The following ODC1 variants were observed in gnomAD, a reference collection of about 807,000 sequenced individuals.
ODC1 encodes ornithine decarboxylase.
Under a neutral mutation model 41.5 loss-of-function variants are expected in ODC1, and 18 were observed. The ratio of observed to expected loss-of-function variants is 0.43; its 90% confidence interval spans 0.30 to 0.64. The LOEUF (loss-of-function observed/expected upper bound fraction) is 0.64, where lower values mean the gene tolerates loss of function less well. Ranked by LOEUF, ODC1 falls within the 30% of genes least tolerant of loss-of-function variation. The pLI is 0.11. For synonymous variants in ODC1, 218 were observed against 211.6 expected, an observed-to-expected ratio of 1.03 and a Z score of -0.26; for missense variants, 504 against 589.0, an observed-to-expected ratio of 0.86 and a Z score of 1.49.
Position 10,443,690 on chromosome 2 carries a change from C to T in ODC1, c.584+12G>A. ...AATGTCTTGACCTCTAGCTATCCCA[C>T]CAAAATCTCACCTGACACCAACAAC... On this transcript the variant is annotated intron_variant, in intron 6 of 11. Coordinates refer to ENST00000234111, the MANE Select transcript of ODC1 (RefSeq NM_002539.3). The T allele has an allele frequency of 6.2e-7, 1 of 1,613,688 alleles. No homozygotes were observed. The highest frequency in any genetic ancestry group is 8.5e-7 in the Non-Finnish European group (1 of 1,179,606).
chr2:10,441,692 G>C lies in ODC1; in HGVS notation c.1058C>G (p.Ser353Cys), dbSNP rs1671825181. 3 of 1,614,202 alleles carry C rather than the reference G, an allele frequency of 1.9e-6. No individual in the cohort carries two copies. The highest frequency in any genetic ancestry group is 2.5e-6 in the Non-Finnish European group (3 of 1,180,046). Residue 353 changes from serine (S) to cysteine (C), a missense_variant, in exon 11 of 12, where the codon TCC becomes TGC. By Grantham distance (112) the Ser-to-Cys change is moderately radical. Around this residue, in one of 3 missense-constraint regions of ODC1, gnomAD observed 447 missense variants for 524.4 expected, o/e 0.85. Transcript: ENST00000234111. ...ATCACATGTTGGTCCCCATATGCTGGATGAATAATACTTCTCATCTGGTTT... is the reference window on the plus strand; with the variant it reads ...ATCACATGTTGGTCCCCATATGCTGCATGAATAATACTTCTCATCTGGTTT... ...RPKPDEKYYS[S>C]SIWGPTCDGL...
chr2:10,443,477 C>A lies in ODC1; in HGVS notation c.666+13G>T. On this transcript the variant is annotated intron_variant, in intron 7 of 11. Coordinates refer to ENST00000234111, the MANE Select transcript of ODC1 (RefSeq NM_002539.3). ...GTGTCCCGCCCTTCCCTAACAGGGT[C>A]ACGTATACTCACCCCCATGTCAAAA... The A allele has an allele frequency of 6.2e-7, 1 of 1,612,018 alleles. No individual in the cohort carries two copies. The highest frequency in any genetic ancestry group is 1.1e-5 in the South Asian group (1 of 91,024).
chr2:10,442,326 A>G (rs1215126227), intron 8 of ODC1, 152 bp from the exon 9 acceptor site: 5 of 761,964 alleles, frequency 6.6e-6, no homozygotes, highest in Admixed American at 3.4e-5. Context: ...AAAAACATCA[A>G]CATCTCCCTG....
intron 1 of ODC1, among the ~76,000 whole-genome samples, chr2:10,446,416 A>T (rs1672015546): frequency 6.6e-6 from 1 of 152,240 alleles, no homozygotes; most frequent in Non-Finnish European, 1.5e-5. Context: ...TTGGGATTAC[A>T]GGCGTGAGCC....
chr2:10,442,892 T>C (rs1372744239), intron 8 of ODC1, among the ~76,000 whole-genome samples: 2 of 151,824 alleles, frequency 1.3e-5, no homozygotes, highest in East Asian at 3.9e-4. Context: ...AAAATTTTTT[T>C]TGTAGAGATG....
In ODC1 at chr2:10,441,914, C is replaced by T. The variant is rs755510775; in HGVS notation, c.929G>A (p.Ser310Asn). ...QTGSDDEDES[S>N]EQTFMYYVND... Reference sequence around the variant, plus strand: ...CACATAATACATAAAGGTCTGCTCACTCGACTCATCTTCGTCTAGAAAGGC... The same window carrying T: ...CACATAATACATAAAGGTCTGCTCATTCGACTCATCTTCGTCTAGAAAGGC... Residue 310 changes from serine to asparagine, a missense_variant, in exon 10 of 12, where the codon AGT becomes AAT. Coordinates refer to ENST00000234111, the MANE Select transcript of ODC1 (RefSeq NM_002539.3). 3 of 1,614,098 alleles carry T rather than the reference C, an allele frequency of 1.9e-6. No homozygotes were observed. The highest frequency in any genetic ancestry group is 2.5e-6 in the Non-Finnish European group (3 of 1,179,982).
chr2:10,443,315 T>C lies in ODC1; in HGVS notation c.667-2A>G. The C allele has an allele frequency of 6.2e-7, 1 of 1,609,086 alleles. No individual in the cohort carries two copies. Among genetic ancestry groups the C allele is most frequent in the Non-Finnish European group, 8.5e-7 (1 of 1,178,168 alleles). On this transcript the variant is annotated splice_acceptor_variant, in intron 7 of 11. Coordinates refer to ENST00000234111, the MANE Select transcript of ODC1 (RefSeq NM_002539.3). LOFTEE classifies it high-confidence loss of function. ...ATACATGCTGAAACCAACCTCAGCC[T>C]AGAATCAAGAAAATAAGTCAGCCAG...
intron 1 of ODC1, among the ~76,000 whole-genome samples, chr2:10,446,532 C>G (rs1672020386): frequency 6.6e-6 from 1 of 152,222 alleles, no homozygotes; most frequent in Admixed American, 6.5e-5. Flanking sequence ...ATTTGCTTAG[C>G]TATGAGAATA....
At chr2:10,442,897 G>C (rs949358055) in intron 8 of ODC1, among the ~76,000 whole-genome samples, 4 of 151,854 alleles carry the variant, frequency 2.6e-5, no homozygotes, top group African/African-American at 9.7e-5. Flanking sequence ...TTTTTTTGTA[G>C]AGATGGGGTC....
rs200691250 is a variant in ODC1 at position 10,443,720 on chromosome 2, A to C, written c.566T>G (p.Ile189Ser). Residue 189 changes from isoleucine to serine, a missense_variant, in exon 6 of 12, where the codon ATC becomes AGC. By Grantham distance (142) the Ile-to-Ser change is moderately radical (BLOSUM62 -2). Transcript: ENST00000234111. ...ATCTCACCTGACACCAACAACATCG[A>C]TATTTAGCTCTTTCGCCCGTTCCAA... ...LLLERAKELN[I>S]DVVGVSFHVG... 1 of 1,614,036 alleles carries C rather than the reference A, an allele frequency of 6.2e-7. No individual in the cohort carries two copies. Among genetic ancestry groups the C allele is most frequent in the African/African-American group, 1.3e-5 (1 of 74,922 alleles).
intron 1 of ODC1, chr2:10,447,391 G>T (rs754165040): frequency 2.0e-5 from 3 of 152,210 alleles, no homozygotes; most frequent in Admixed American, 6.5e-5. Context: ...GTCCTCCCCA[G>T]ACATTCCTGA....
intron 6 of ODC1, 37 bp downstream of exon 6, chr2:10,443,665 A>G: frequency 1.2e-6 from 2 of 1,610,764 alleles, no homozygotes; most frequent in East Asian, 4.5e-5. Flanking sequence ...CAAACTGTTC[A>G]ATGTCTTGAC....
intron 10 of ODC1, 36 bp from the exon 11 acceptor site, chr2:10,441,759 AT>A: frequency 6.2e-7 from 1 of 1,612,228 alleles, no homozygotes; most frequent in Non-Finnish European, 8.5e-7. Flanking sequence ...GTACTACTTA[AT>A]TACACGTGTT....
Position 10,441,765 on chromosome 2 carries a change from C to T in ODC1, c.1027-42G>A, listed in dbSNP as rs28362409. The T allele has an allele frequency of 2.0e-3, 3,294 of 1,611,498 alleles. 6 individuals carry two copies. The highest frequency in any genetic ancestry group is 2.4e-3 in the Non-Finnish European group (2,794 of 1,177,614). ...AGAGAGGAAGTACTACTTAATTACACGTGTTGTGACCAGTCCTCTTAATTG... is the reference window on the plus strand; with the variant it reads ...AGAGAGGAAGTACTACTTAATTACATGTGTTGTGACCAGTCCTCTTAATTG... On this transcript the variant is annotated intron_variant, in intron 10 of 11. Coordinates refer to ENST00000234111, the MANE Select transcript of ODC1 (RefSeq NM_002539.3).
rs11538369 is a variant in ODC1 at position 10,444,198 on chromosome 2, G to A, written c.346C>T (p.Gln116Ter). The change falls in exon 5 of 12, where the codon CAA (glutamine) becomes TAA (stop). Residue 116 changes from glutamine to a stop codon, truncating the protein, a stop_gained. Coordinates refer to ENST00000234111, the MANE Select transcript of ODC1 (RefSeq NM_002539.3). LOFTEE classifies it high-confidence loss of function. ...ERIIYANPCK[Q>*]VSQIKYAANN... The stretch of plus-strand genomic sequence containing the variant: ...GCAGCATACTTAATTTGAGATACTT[G>A]TTTACAAGGATTTGCATAGATAATC... The A allele has an allele frequency of 6.2e-7, 1 of 1,612,972 alleles. No individual in the cohort carries two copies. The highest frequency in any genetic ancestry group is 1.7e-5 in the Admixed American group (1 of 59,648).
In ODC1 at chr2:10,444,899, C is replaced by G. The variant is rs377617130; in HGVS notation, c.102+32G>C. On this transcript the variant is annotated intron_variant, in intron 3 of 11. Coordinates refer to ENST00000234111, the MANE Select transcript of ODC1 (RefSeq NM_002539.3). The stretch of plus-strand genomic sequence containing the variant: ...TTTTCCACTTGCCTGGCACTCTCAG[C>G]TGCACTGCCAGCATGGGCCTCATAT... 5.4e-6 allele frequency: 8 copies of G among 1,485,128 alleles called. No homozygotes were observed. In the African/African-American group the frequency reaches 1.1e-4, roughly 20 times the overall value. 92.0% of individuals were successfully genotyped at this position (1,485,128 alleles called of 1,614,324 possible). A position where few individuals can be genotyped will look rare whatever the true frequency, so the allele number is the denominator to read the frequency against.
chr2:10,446,385 C>G (rs558647255), intron 1 of ODC1, among the ~76,000 whole-genome samples: 25 of 152,336 alleles, frequency 1.6e-4, no homozygotes, highest in Non-Finnish European at 2.4e-4. Context: ...GGTGATCCGC[C>G]TGCCTCAGCC....
rs996126975 is a variant in ODC1, at chr2:10,440,599, T to A, written c.*125A>T. On this transcript the variant is annotated 3_prime_UTR_variant, in exon 12 of 12. Coordinates refer to ENST00000234111, the MANE Select transcript of ODC1 (RefSeq NM_002539.3). ...GTGACCCATATCCTAGTCTTCCATA[T>A]GGCTGCATCATGGCGACCCTACTCT... The A allele has an allele frequency of 1.1e-6, 1 of 880,974 alleles. No homozygotes were observed. Among genetic ancestry groups the A allele is most frequent in the South Asian group, 1.7e-5 (1 of 59,266 alleles). 54.6% of individuals were successfully genotyped at this position (880,974 alleles called of 1,614,324 possible). A position where few individuals can be genotyped will look rare whatever the true frequency, so the allele number is the denominator to read the frequency against.
rs1671935090 is a variant in ODC1, at chr2:10,444,136, T to C, written c.408A>G (p.Glu136=). 3 of 1,607,628 alleles carry C rather than the reference T, an allele frequency of 1.9e-6. No homozygotes were observed. The Admixed American group carries it at 5.2e-5, about 28-fold the overall frequency. ...NGVQMMTFDS[E]VELMKVARAH... The stretch of plus-strand genomic sequence containing the variant: ...CTCTGGCAACTTTCATCAACTCAAC[T>C]TCACTATCAAAAGTCATCATCTGGA... Residue 136 remains glutamate, a synonymous_variant, in exon 5 of 12, where the codon GAA becomes GAG. Coordinates refer to ENST00000234111, the MANE Select transcript of ODC1 (RefSeq NM_002539.3).
Sources: gnomAD v4.1 joint callset for allele counts (sites outside exome capture counted in the v4.1 genomes callset) on GRCh38, gnomAD v4.1.1 for gene constraint, gnomAD v4.1.1 regional missense constraint, MANE v1.5 for transcripts, NCBI Gene and HGNC (gene_info 2026-07-23, HGNC 2026-07-21) for gene names.